PITPNC1: variants seen among roughly 807,000 people sequenced by gnomAD.
PITPNC1 encodes cytoplasmic phosphatidylinositol transfer protein 1.
Under a neutral mutation model 44.7 loss-of-function variants are expected in PITPNC1, and 18 were observed. That is an observed-to-expected ratio of 0.40 (90% CI 0.28 to 0.60). PITPNC1 has a LOEUF of 0.60. Ranked by LOEUF, PITPNC1 falls within the 20% of genes least tolerant of loss-of-function variation. The pLI is 0.39. For missense variants in PITPNC1, 290 were observed against 418.4 expected, an observed-to-expected ratio of 0.69 and a Z score of 2.68; for synonymous variants, 141 against 149.6, an observed-to-expected ratio of 0.94 and a Z score of 0.42.
At chr17:67,604,886 C>A (rs1218886479) in intron 5 of PITPNC1, among the ~76,000 whole-genome samples, 2 of 152,064 alleles carry the variant, frequency 1.3e-5, no homozygotes, top group Non-Finnish European at 2.9e-5. Flanking sequence ...TTGAGACCAG[C>A]CTGGCCAACA....
At chr17:67,496,192 GA>G (rs1056174735) in intron 1 of PITPNC1, among the ~76,000 whole-genome samples, 24 of 152,140 alleles carry the variant, frequency 1.6e-4, no homozygotes, top group African/African-American at 5.6e-4. Context: ...TGGGAAAAAA[GA>G]ACAAGTTTTT....
chr17:67,439,381 G>T (rs1208612930), intron 1 of PITPNC1, among the ~76,000 whole-genome samples: 1 of 151,898 alleles, frequency 6.6e-6, no homozygotes, highest in African/African-American at 2.4e-5. Context: ...GAAACAAAAG[G>T]TTAGGAATAA....
intron 6 of PITPNC1, among the ~76,000 whole-genome samples, chr17:67,637,396 A>C (rs996064249): frequency 1.3e-5 from 2 of 152,108 alleles, no homozygotes; most frequent in Non-Finnish European, 2.9e-5. Context: ...TATGTGAGGA[A>C]GCCGGATGCT....
rs2040140985 is a variant in PITPNC1 at position 67,508,856 on chromosome 17, T to C, written c.49-23946T>C. ...TTCTAGTGATGGCTGCACAACATTG[T>C]GGTTGTACTTAATGCACCAAACTGA... On this transcript the variant is annotated intron_variant, in intron 1 of 8. Coordinates refer to ENST00000581322, the MANE Select transcript of PITPNC1 (RefSeq NM_012417.4). The surrounding 1 kb of genome is among the most constrained non-coding windows in gnomAD (Gnocchi z 4.2). Among the ~76,000 whole-genome samples, 1 of 152,198 alleles carries C rather than the reference T, an allele frequency of 6.6e-6. No homozygotes were observed. Among genetic ancestry groups the C allele is most frequent in the African/African-American group, 2.4e-5 (1 of 41,448 alleles).
chr17:67,581,987 T>C (rs2706703), intron 5 of PITPNC1, among the ~76,000 whole-genome samples: 69,615 of 151,692 alleles, frequency 0.46, 16,655 homozygotes, highest in South Asian at 0.61. Context: ...GAGCAGAGAT[T>C]GCGCCACTGC....
At chr17:67,409,375 C>T (rs1283124289) in intron 1 of PITPNC1, among the ~76,000 whole-genome samples, 6 of 151,762 alleles carry the variant, frequency 4.0e-5, no homozygotes, top group African/African-American at 1.2e-4. Context: ...TGAGCCACCG[C>T]GCCCGGCCCC....
intron 6 of PITPNC1, chr17:67,632,450 C>G: frequency 1.8e-6 from 1 of 569,514 alleles, no homozygotes; most frequent in Non-Finnish European, 3.1e-6. Context: ...TCAATCTCCA[C>G]TTAGTTTTCC....
intron 1 of PITPNC1, among the ~76,000 whole-genome samples, chr17:67,464,361 T>G (rs2039392192): frequency 6.6e-6 from 1 of 152,134 alleles, no homozygotes; most frequent in South Asian, 2.1e-4. Flanking sequence ...ATAAAGACAT[T>G]TAGGCTGATG....
At chr17:67,627,436 C>T (rs1015772473) in intron 5 of PITPNC1, among the ~76,000 whole-genome samples, 2 of 152,190 alleles carry the variant, frequency 1.3e-5, no homozygotes, top group African/African-American at 4.8e-5. Flanking sequence ...GAATTAGGCA[C>T]GCTGTTAATG....
intron 6 of PITPNC1, among the ~76,000 whole-genome samples, chr17:67,663,292 G>A (rs1020370736): frequency 1.2e-4 from 19 of 152,088 alleles, no homozygotes; most frequent in Non-Finnish European, 1.8e-4. Flanking sequence ...GCAGTAGGCC[G>A]GGCGCGGTGG....
chr17:67,531,107 C>G (rs2015320), intron 1 of PITPNC1, among the ~76,000 whole-genome samples: 110,393 of 151,854 alleles, frequency 0.73, 40,479 homozygotes, highest in East Asian at 0.88. Flanking sequence ...GCTGGGCGTG[C>G]TGGTGCGCAC....
At chr17:67,577,736 A>G (rs1017274356) in intron 4 of PITPNC1, among the ~76,000 whole-genome samples, 5 of 152,144 alleles carry the variant, frequency 3.3e-5, no homozygotes, top group African/African-American at 1.2e-4. Flanking sequence ...TCAATAATCT[A>G]TGACTTTAAA....
chr17:67,424,352 T>C (rs1286926854), intron 1 of PITPNC1, among the ~76,000 whole-genome samples: 2 of 152,078 alleles, frequency 1.3e-5, no homozygotes, highest in East Asian at 3.9e-4. Flanking sequence ...AGATTACCAC[T>C]TGACCTTCAA....
rs149845736 is a variant in PITPNC1 at position 67,685,110 on chromosome 17, A to G, written c.683-7462A>G. 5.5e-3 allele frequency among the ~76,000 whole-genome samples: 837 copies of G among 152,384 alleles called. 5 individuals carry two copies. Among genetic ancestry groups the G allele is most frequent in the African/African-American group, 0.018 (752 of 41,600 alleles). ...TATTTCAGATATATTTGTGTTTAAGAAATGTTGATAAGCAGCCATTGAAAG... is the reference window on the plus strand; with the variant it reads ...TATTTCAGATATATTTGTGTTTAAGGAATGTTGATAAGCAGCCATTGAAAG... On this transcript the variant is annotated intron_variant, in intron 8 of 8. Transcript: ENST00000581322.
At chr17:67,510,328 C>T (rs2040167080) in intron 1 of PITPNC1, among the ~76,000 whole-genome samples, 1 of 152,212 alleles carries the variant, frequency 6.6e-6, no homozygotes, top group Admixed American at 6.5e-5. Context: ...CCATGTGGCC[C>T]ACTTTCAGGA....
At chr17:67,395,842 A>C (rs945532028) in intron 1 of PITPNC1, among the ~76,000 whole-genome samples, 2 of 152,206 alleles carry the variant, frequency 1.3e-5, no homozygotes, top group South Asian at 2.1e-4. Flanking sequence ...GCATTTAGTC[A>C]TCGGGGTACA....
chr17:67,612,901 A>T (rs1376077297), intron 5 of PITPNC1: 1 of 152,210 alleles, frequency 6.6e-6, no homozygotes, highest in South Asian at 2.1e-4. Flanking sequence ...TGAGAAAGAA[A>T]TAAGAGTGTA....
At chr17:67,460,162 A>C (rs1428443673) in intron 1 of PITPNC1, among the ~76,000 whole-genome samples, 1 of 152,178 alleles carries the variant, frequency 6.6e-6, no homozygotes, top group Non-Finnish European at 1.5e-5. Context: ...TTCTGCACCC[A>C]GAATTGTTTG....
chr17:67,576,494 G>T (rs2041151938), intron 4 of PITPNC1, among the ~76,000 whole-genome samples: 1 of 152,212 alleles, frequency 6.6e-6, no homozygotes. Flanking sequence ...TCTTGGGACT[G>T]TGATGCTATC....
Sources: allele counts gnomAD v4.1 joint callset (sites outside exome capture counted in the v4.1 genomes callset), GRCh38; gene constraint gnomAD v4.1.1; non-coding constraint Gnocchi (gnomAD v3.1); transcripts MANE v1.5; gene names NCBI Gene and HGNC (gene_info 2026-07-23, HGNC 2026-07-21).